Variants in BLMH observed in about 807,000 individuals in gnomAD.
BLMH encodes the protein BLM hydrolase.
In BLMH, 32 loss-of-function variants were observed where a neutral mutation model predicts 61.6. The ratio of observed to expected loss-of-function variants is 0.52; its 90% confidence interval spans 0.39 to 0.70. The LOEUF (loss-of-function observed/expected upper bound fraction) is 0.70, where lower values mean the gene tolerates loss of function less well. BLMH is among the 30% of genes least tolerant of loss of function. BLMH has a pLI of 0.00. For synonymous variants in BLMH, 183 were observed against 193.8 expected (o/e 0.94, Z 0.46); for missense variants, 460 against 555.5 (o/e 0.83, Z 1.73).
At chr17:30,274,502 T>C (rs1193997789) in intron 6 of BLMH, among the ~76,000 whole-genome samples, 1 of 152,352 alleles carries the variant, frequency 6.6e-6, no homozygotes, top group East Asian at 1.9e-4. Flanking sequence ...CTACCATTGA[T>C]ACCCAGCAAG....
intron 7 of BLMH, 184 bp from the exon 8 acceptor site, chr17:30,273,083 G>T: frequency 1.6e-6 from 1 of 611,762 alleles, no homozygotes; most frequent in Non-Finnish European, 2.8e-6. Context: ...AGAGGTCCTT[G>T]CTTATTCTAA....
intron 11 of BLMH, among the ~76,000 whole-genome samples, chr17:30,255,388 G>A (rs963655773): frequency 6.6e-6 from 1 of 152,012 alleles, no homozygotes; most frequent in East Asian, 1.9e-4. Flanking sequence ...ACCTAATGAC[G>A]CATTTCAGAA....
At chr17:30,284,945 C>T (rs936317765) in intron 6 of BLMH, among the ~76,000 whole-genome samples, 2 of 152,196 alleles carry the variant, frequency 1.3e-5, no homozygotes, top group African/African-American at 4.8e-5. Context: ...GCTATCTTCC[C>T]TATGAAAGCT....
rs1167963911 is a variant in BLMH at position 30,265,844 on chromosome 17, C to T, written c.1216+1041G>A. 5.9e-5 allele frequency among the ~76,000 whole-genome samples: 9 copies of T among 152,006 alleles called. No individual in the cohort carries two copies. The East Asian group carries it at 9.6e-4, about 16-fold the overall frequency. ...TGGTTTGGAACCCTAAAAATTAAAG[C>T]GTAAAATCTCTTTCAAAAGCTATTA... On this transcript the variant is annotated intron_variant, in intron 11 of 11. Coordinates refer to ENST00000261714, the MANE Select transcript of BLMH (RefSeq NM_000386.4).
rs148543508 is a variant in BLMH, at chr17:30,285,452, T to G, written c.581A>C (p.Asn194Thr). The G allele has an allele frequency of 7.4e-6, 12 of 1,612,724 alleles. No homozygotes were observed. In the African/African-American group the frequency reaches 1.6e-4, roughly 22 times the overall value. ...TTTGGTTGCTCCACTGTGTACCAGG[T>G]TCCGCAGTCGTATACAGAATTCTCT... ...KMREFCIRLR[N>T]LVHSGATKGE... The change falls in exon 6 of 12, where the codon AAC (asparagine) becomes ACC (threonine). Residue 194 changes from asparagine to threonine, a missense_variant. Transcript: ENST00000261714.
rs755792054 is a variant in BLMH, at chr17:30,272,575, G to A, written c.1014C>T (p.Leu338=). 6.2e-7 allele frequency: 1 copy of A among 1,614,166 alleles called. No homozygotes were observed. The highest frequency in any genetic ancestry group is 8.5e-7 in the Non-Finnish European group (1 of 1,180,040). The part of the protein sequence containing the change: ...VGKHFNSKLG[L]SDMNLYDHEL... ...CCTGCACTCACAGATTCATGTCACT[G>A]AGGCCCAGCTTGCTATTGAAGTGTT... is the stretch of plus-strand genomic sequence containing the variant. The change falls in exon 9 of 12, where the codon CTC becomes CTT. Residue 338 remains leucine, a synonymous_variant. Coordinates refer to ENST00000261714, the MANE Select transcript of BLMH (RefSeq NM_000386.4).
chr17:30,273,032 T>C (rs1226613927), intron 7 of BLMH, 133 bp from the exon 8 acceptor site: 4 of 992,328 alleles, frequency 4.0e-6, no homozygotes, highest in South Asian at 3.4e-5. Flanking sequence ...AGCCACATTG[T>C]TAAGTAACAA....
rs116880371 is a variant in BLMH, at chr17:30,271,679, T to C, written c.1029-291A>G. 6.9e-3 allele frequency among the ~76,000 whole-genome samples: 1,050 copies of C among 152,286 alleles called. 7 individuals are homozygous for C. The highest frequency in any genetic ancestry group is 7.6e-3 in the Non-Finnish European group (516 of 68,022). ...CATTGTCATTTAGGCAAGAAAACTT[T>C]AAAAAATAATGAAAAAAGCGTTTGA... On this transcript the variant is annotated intron_variant, in intron 9 of 11. Transcript: ENST00000261714.
At chr17:30,277,216 T>A (rs150081162) in intron 6 of BLMH, among the ~76,000 whole-genome samples, 147 of 152,358 alleles carry the variant, frequency 9.6e-4, no homozygotes, top group African/African-American at 3.4e-3. Flanking sequence ...TAACGTTATA[T>A]CCTTCCCAAG....
chr17:30,289,348 GA>G (rs1394678492), intron 3 of BLMH, 24 bp downstream of exon 3: 2 of 1,478,770 alleles, frequency 1.4e-6, no homozygotes, highest in Non-Finnish European at 1.9e-6. Flanking sequence ...AATACAAAAA[GA>G]ATCTTGCCAG....
chr17:30,259,354 T>G (rs1907898789), intron 11 of BLMH, among the ~76,000 whole-genome samples: 1 of 152,128 alleles, frequency 6.6e-6, no homozygotes, highest in Admixed American at 6.5e-5. Context: ...CCCAACAGCC[T>G]TTCTCCTTGA....
At chr17:30,271,185 G>A (rs529479895) in intron 10 of BLMH, 86 bp downstream of exon 10, 3 of 1,032,048 alleles carry the variant, frequency 2.9e-6, no homozygotes, top group South Asian at 2.6e-5. Flanking sequence ...TATACACTAT[G>A]AATGAAGCTT....
At chr17:30,290,002 A>C (rs754383373) in intron 2 of BLMH, among the ~76,000 whole-genome samples, 8 of 152,170 alleles carry the variant, frequency 5.3e-5, no homozygotes, top group Non-Finnish European at 7.4e-5. Flanking sequence ...CACACACACA[A>C]AACTTGACAA....
At chr17:30,253,104 C>G (rs1907718129) in intron 11 of BLMH, among the ~76,000 whole-genome samples, 1 of 152,178 alleles carries the variant, frequency 6.6e-6, no homozygotes, top group South Asian at 2.1e-4. Flanking sequence ...CGTCCCTTCC[C>G]TCACCACAAT....
At chr17:30,255,870 C>G (rs1319993725) in intron 11 of BLMH, among the ~76,000 whole-genome samples, 1 of 152,156 alleles carries the variant, frequency 6.6e-6, no homozygotes, top group Non-Finnish European at 1.5e-5. Context: ...GGACTCCAGC[C>G]TGGGCGACAG....
chr17:30,277,173 C>T (rs992027593), intron 6 of BLMH, among the ~76,000 whole-genome samples: 1 of 152,186 alleles, frequency 6.6e-6, no homozygotes, highest in African/African-American at 2.4e-5. Context: ...GTGTTACGAG[C>T]CTGAACATCT....
rs1295538293 is a variant in BLMH, at chr17:30,258,944, G to A, written c.1216+7941C>T. Reference sequence around the variant, plus strand: ...ACGCATGCTCCAAATGCCAAGAGCTGCACTTCTCAGCCACCATTTCTCTGG... The same window carrying A: ...ACGCATGCTCCAAATGCCAAGAGCTACACTTCTCAGCCACCATTTCTCTGG... On this transcript the variant is annotated intron_variant, in intron 11 of 11. Coordinates refer to ENST00000261714, the MANE Select transcript of BLMH (RefSeq NM_000386.4). Among the ~76,000 whole-genome samples the A allele has an allele frequency of 2.6e-5, 4 of 152,104 alleles. No individual in the cohort carries two copies. The East Asian group carries it at 7.7e-4, about 29-fold the overall frequency.
intron 1 of BLMH, 72 bp from the exon 2 acceptor site, chr17:30,291,580 G>A (rs1010705737): frequency 1.3e-6 from 2 of 1,566,116 alleles, no homozygotes; most frequent in South Asian, 2.3e-5. Flanking sequence ...CCCGCGTCCC[G>A]AATCTAACTT....
intron 6 of BLMH, 58 bp downstream of exon 6, chr17:30,285,330 G>A: frequency 8.5e-7 from 1 of 1,170,464 alleles, no homozygotes; most frequent in South Asian, 1.4e-5. Context: ...TTTAACAGAT[G>A]GGAATATTCT....
Sources: allele counts gnomAD v4.1 joint callset (sites outside exome capture counted in the v4.1 genomes callset), GRCh38; gene constraint gnomAD v4.1.1; transcripts MANE v1.5; gene names NCBI Gene and HGNC (gene_info 2026-07-23, HGNC 2026-07-21).